RASSF9: variants seen among roughly 807,000 people sequenced by gnomAD.
RASSF9 encodes the protein ras association domain-containing protein 9.
A neutral mutation model predicts 21.4 loss-of-function variants in RASSF9; 18 were observed. That is an observed-to-expected ratio of 0.84 (90% CI 0.58 to 1.25). The LOEUF (loss-of-function observed/expected upper bound fraction) is 1.25, where lower values mean the gene tolerates loss of function less well. Ranked by LOEUF, RASSF9 falls within the 50% of genes most tolerant of loss-of-function variation. RASSF9 has a pLI of 0.00. For synonymous variants in RASSF9, 183 were observed against 179.1 expected, an observed-to-expected ratio of 1.02 and a Z score of -0.18; for missense variants, 480 against 503.2, an observed-to-expected ratio of 0.95 and a Z score of 0.44.
At chr12:85,828,855 A>G (rs1592534221) in intron 1 of RASSF9, among the ~76,000 whole-genome samples, 1 of 152,148 alleles carries the variant, frequency 6.6e-6, no homozygotes, top group African/African-American at 2.4e-5. Context: ...CTAATCATGT[A>G]TAATTCTTCT....
At chr12:85,816,409 G>T (rs1333178861) in intron 1 of RASSF9, among the ~76,000 whole-genome samples, 1 of 151,772 alleles carries the variant, frequency 6.6e-6, no homozygotes, top group African/African-American at 2.4e-5. Flanking sequence ...TGCTGTAGAG[G>T]GTAAATAAAT....
At chr12:85,826,207 C>G (rs1461875806) in intron 1 of RASSF9, among the ~76,000 whole-genome samples, 1 of 152,162 alleles carries the variant, frequency 6.6e-6, no homozygotes, top group Non-Finnish European at 1.5e-5. Flanking sequence ...CCAAGCCTAT[C>G]TCTGCCATAT....
Position 85,831,875 on chromosome 12 carries a change from C to T in RASSF9, c.47+4280G>A, listed in dbSNP as rs112744279. On this transcript the variant is annotated intron_variant, in intron 1 of 1. Transcript: ENST00000361228. The stretch of plus-strand genomic sequence containing the variant: ...TTACTTCTAGTGACAATATAATGTA[C>T]TTGGCCTTAAGAACTGTTGTCTAAA... Among the ~76,000 whole-genome samples the T allele has an allele frequency of 5.6e-3, 851 of 151,988 alleles. 13 individuals are homozygous for T. The highest frequency in any genetic ancestry group is 0.019 in the African/African-American group (808 of 41,552).
intron 1 of RASSF9, among the ~76,000 whole-genome samples, chr12:85,814,112 A>C (rs749587641): frequency 2.0e-5 from 3 of 152,072 alleles, no homozygotes; most frequent in Non-Finnish European, 4.4e-5. Flanking sequence ...AACTTCCATC[A>C]GATTGAAGCA....
rs1879728183 is a variant in RASSF9, at chr12:85,802,723, G to A, written c.*1979C>T. 2 of 152,182 alleles carry A rather than the reference G, an allele frequency of 1.3e-5. No homozygotes were observed. Among genetic ancestry groups the A allele is most frequent in the South Asian group, 4.1e-4 (2 of 4,830 alleles). The allele number at this position is 152,182 out of a possible 1,614,324, so 9.4% of individuals were successfully genotyped here. On this transcript the variant is annotated 3_prime_UTR_variant, in exon 2 of 2. Transcript: ENST00000361228. ...ATAATTCAAAGAGATGACTTCCACT[G>A]TAGGAAAATGATACAATGGGTTTAT... is the stretch of plus-strand genomic sequence containing the variant.
At chr12:85,811,344 C>A (rs985175776) in intron 1 of RASSF9, among the ~76,000 whole-genome samples, 2 of 151,750 alleles carry the variant, frequency 1.3e-5, no homozygotes, top group Non-Finnish European at 3.0e-5. Context: ...GTGATCCTCA[C>A]TAGATACTCT....
chr12:85,829,296 G>C (rs746663752), intron 1 of RASSF9, among the ~76,000 whole-genome samples: 8 of 151,892 alleles, frequency 5.3e-5, no homozygotes, highest in Non-Finnish European at 8.8e-5. Flanking sequence ...CTGCATCAAT[G>C]GAAATAAAAT....
At chr12:85,831,827 C>T (rs893024027) in intron 1 of RASSF9, among the ~76,000 whole-genome samples, 3 of 151,862 alleles carry the variant, frequency 2.0e-5, no homozygotes, top group East Asian at 1.9e-4. Flanking sequence ...TTCTTTCTTC[C>T]GATGAAGCAA....
At chr12:85,823,244 G>T (rs981901730) in intron 1 of RASSF9, among the ~76,000 whole-genome samples, 2 of 150,816 alleles carry the variant, frequency 1.3e-5, no homozygotes, top group Admixed American at 1.3e-4. Context: ...CTCATCCTCA[G>T]TAGCCACTTT....
rs764275642 is a variant in RASSF9 at position 85,804,864 on chromosome 12, C to G, written c.1146G>C (p.Ala382=). 6.2e-7 allele frequency: 1 copy of G among 1,613,704 alleles called. No individual in the cohort carries two copies. The highest frequency in any genetic ancestry group is 1.1e-5 in the South Asian group (1 of 91,074). Residue 382 remains alanine (A), a synonymous_variant, in exon 2 of 2, where the codon GCG becomes GCC. Coordinates refer to ENST00000361228, the MANE Select transcript of RASSF9 (RefSeq NM_005447.4). ...TGCTACTGGGAACCTCAGATTCCTTCGCTCTGTTTTCCTTTAACTGGCACC... is the reference window on the plus strand; with the variant it reads ...TGCTACTGGGAACCTCAGATTCCTTGGCTCTGTTTTCCTTTAACTGGCACC... ...KDGCQLKENR[A]KESEVPSSNG...
chr12:85,818,969 A>C, intron 1 of RASSF9, among the ~76,000 whole-genome samples: 1 of 151,572 alleles, frequency 6.6e-6, no homozygotes, highest in African/African-American at 2.4e-5. Context: ...AAAAAAAAAA[A>C]AAAAAAAAAA....
intron 1 of RASSF9, among the ~76,000 whole-genome samples, chr12:85,814,383 G>T (rs1375258640): frequency 6.6e-6 from 1 of 151,968 alleles, no homozygotes; most frequent in Non-Finnish European, 1.5e-5. Flanking sequence ...AAGCCAGGAA[G>T]ATAAATATCC....
At chr12:85,816,050 C>G (rs1880056817) in intron 1 of RASSF9, among the ~76,000 whole-genome samples, 1 of 151,948 alleles carries the variant, frequency 6.6e-6, no homozygotes, top group Admixed American at 6.6e-5. Context: ...GGCAAACTAA[C>G]AGAAACAGAA....
chr12:85,824,595 A>G (rs1880289264), intron 1 of RASSF9, among the ~76,000 whole-genome samples: 1 of 152,106 alleles, frequency 6.6e-6, no homozygotes, highest in African/African-American at 2.4e-5. Context: ...TAAGTCCTGC[A>G]TTTTAAACCT....
At chr12:85,821,915 T>A (rs533614434) in intron 1 of RASSF9, among the ~76,000 whole-genome samples, 2 of 152,270 alleles carry the variant, frequency 1.3e-5, no homozygotes, top group South Asian at 4.1e-4. Flanking sequence ...AAATTGATTA[T>A]AGTCCAAATG....
chr12:85,828,124 T>C (rs1484074166), intron 1 of RASSF9, among the ~76,000 whole-genome samples: 1 of 152,176 alleles, frequency 6.6e-6, no homozygotes, highest in African/African-American at 2.4e-5. Flanking sequence ...ACCTAATCCA[T>C]ACCTGATTTA....
At position 85,804,170 on chromosome 12, in the gene RASSF9, G is replaced by C. The variant is rs1879761243; in HGVS notation, c.*532C>G. 6.6e-6 allele frequency: 1 copy of C among 152,508 alleles called. No individual in the cohort carries two copies. 9.4% of individuals were successfully genotyped at this position (152,508 alleles called of 1,614,324 possible). A position where few individuals can be genotyped will look rare whatever the true frequency, so the allele number is the denominator to read the frequency against. ...TTTCATAGGCCTCAACAGGTAGAAG[G>C]GTTCAGGAAGTGATATACATGATAC... On this transcript the variant is annotated 3_prime_UTR_variant, in exon 2 of 2. Coordinates refer to ENST00000361228, the MANE Select transcript of RASSF9 (RefSeq NM_005447.4).
At chr12:85,815,217 A>G (rs1880035410) in intron 1 of RASSF9, among the ~76,000 whole-genome samples, 1 of 152,104 alleles carries the variant, frequency 6.6e-6, no homozygotes, top group Admixed American at 6.6e-5. Context: ...AGTTGTAGGC[A>G]TAAAAGATAG....
rs199742267 is a variant in RASSF9 at position 85,805,456 on chromosome 12, G to A, written c.554C>T (p.Thr185Ile). The part of the protein sequence containing the change: ...TVSHDRDNME[T>I]LVHLIISQDH... ...CTGGGAAATGATCAGATGAACTAAT[G>A]TCTCCATATTATCTCGATCATGAGA... is the stretch of plus-strand genomic sequence containing the variant. The change falls in exon 2 of 2, where the codon ACA becomes ATA. Residue 185 changes from threonine (T) to isoleucine (I), a missense_variant. By Grantham distance (89) the Thr-to-Ile change is moderately conservative. Transcript: ENST00000361228. 110 of 1,613,824 alleles carry A rather than the reference G, an allele frequency of 6.8e-5. No individual in the cohort carries two copies. The highest frequency in any genetic ancestry group is 3.5e-5 in the Non-Finnish European group (41 of 1,179,894).
Sources: gnomAD v4.1 joint callset for allele counts (sites outside exome capture counted in the v4.1 genomes callset) on GRCh38, gnomAD v4.1.1 for gene constraint, MANE v1.5 for transcripts, NCBI Gene and HGNC (gene_info 2026-07-23, HGNC 2026-07-21) for gene names.